TRAPPC9: variants seen among roughly 807,000 people sequenced by gnomAD.
The protein encoded by TRAPPC9 is trafficking protein particle complex subunit 9, also known as IKK2 binding protein.
In TRAPPC9, 83 loss-of-function variants were observed where a neutral mutation model predicts 124.0. The ratio of observed to expected loss-of-function variants is 0.67; its 90% CI spans 0.56 to 0.80. TRAPPC9 has a LOEUF of 0.80. Among genes scored for constraint, TRAPPC9 ranks in the 30% least tolerant of loss-of-function variants. TRAPPC9 has a pLI of 0.00. For missense variants in TRAPPC9, 1,302 were observed against 1,508.3 expected (o/e 0.86, Z 2.27); for synonymous variants, 638 against 617.5 (o/e 1.03, Z -0.49).
chr8:140,338,979 C>G (rs1054800283), intron 9 of TRAPPC9, among the ~76,000 whole-genome samples: 1 of 135,458 alleles, frequency 7.4e-6, no homozygotes, highest in Admixed American at 7.3e-5. Flanking sequence ...ACCTACAGGC[C>G]GACGGGAAAC....
chr8:139,993,118 T>C (rs1052291838), intron 18 of TRAPPC9, among the ~76,000 whole-genome samples: 1 of 152,206 alleles, frequency 6.6e-6, no homozygotes, highest in Non-Finnish European at 1.5e-5. Flanking sequence ...AAAGACAAGC[T>C]TCATTTTTAA....
chr8:140,313,722 T>C (rs1276630127), intron 9 of TRAPPC9, among the ~76,000 whole-genome samples: 1 of 152,096 alleles, frequency 6.6e-6, no homozygotes, highest in Non-Finnish European at 1.5e-5. Flanking sequence ...AATCTTCTGC[T>C]GGGGTGGAAA....
At position 139,974,975 on chromosome 8, in the gene TRAPPC9, C is replaced by T. The variant is rs565452735; in HGVS notation, c.2810+13751G>A. Reference sequence around the variant, plus strand: ...TCAGCAGACCTAGATCAGCCGCACCCGATTCAAAGGGCTCCCCCAGCACTG... The same window carrying T: ...TCAGCAGACCTAGATCAGCCGCACCTGATTCAAAGGGCTCCCCCAGCACTG... On this transcript the variant is annotated intron_variant, in intron 19 of 22. Coordinates refer to ENST00000438773, the MANE Select transcript of TRAPPC9 (RefSeq NM_001160372.4). Among the ~76,000 whole-genome samples the T allele has an allele frequency of 2.4e-4, 37 of 152,232 alleles. 1 individual carries two copies. In the South Asian group the frequency reaches 7.3e-3, roughly 30 times the overall value.
At chr8:139,936,963 C>T (rs1193427358) in intron 19 of TRAPPC9, among the ~76,000 whole-genome samples, 15 of 46,428 alleles carry the variant, frequency 3.2e-4, no homozygotes, top group Admixed American at 2.4e-3. Context: ...AGAGAGTGGG[C>T]GAGTGGGCAC....
chr8:140,451,110 C>T lies in TRAPPC9; in HGVS notation c.264G>A (p.Ser88=), dbSNP rs554862576. The change falls in exon 2 of 23, where the codon TCG becomes TCA. Residue 88 remains serine (S), a synonymous_variant. Coordinates refer to ENST00000438773, the MANE Select transcript of TRAPPC9 (RefSeq NM_001160372.4). The part of the protein sequence containing the change: ...VGLITITDCF[S]AKDWPQTFEK... ...CAAAGGTCTGTGGCCAGTCCTTGGC[C>T]GAGAAGCAGTCTGTGATGGTGATGA... 8 of 1,613,962 alleles carry T rather than the reference C, an allele frequency of 5.0e-6. No individual in the cohort carries two copies. The African/African-American group carries it at 6.7e-5, about 13-fold the overall frequency.
intron 17 of TRAPPC9, among the ~76,000 whole-genome samples, chr8:140,119,733 A>C (rs1232060820): frequency 6.6e-6 from 1 of 152,224 alleles, no homozygotes. Context: ...AGGGAATTTA[A>C]CCAGGTCTTT....
intron 11 of TRAPPC9, among the ~76,000 whole-genome samples, chr8:140,297,258 T>C (rs1277008955): frequency 6.6e-6 from 1 of 152,104 alleles, no homozygotes; most frequent in African/African-American, 2.4e-5. Context: ...AAGATTGGGG[T>C]GTCTTTCAGA....
chr8:140,183,315 C>T (rs956034611), intron 17 of TRAPPC9, among the ~76,000 whole-genome samples: 3 of 152,202 alleles, frequency 2.0e-5, no homozygotes, highest in African/African-American at 7.2e-5. Flanking sequence ...CTGAGCTCTA[C>T]AACCCCAGCT....
At chr8:139,947,432 A>C (rs1386868948) in intron 19 of TRAPPC9, among the ~76,000 whole-genome samples, 1 of 152,226 alleles carries the variant, frequency 6.6e-6, no homozygotes, top group Non-Finnish European at 1.5e-5. Flanking sequence ...ACCAGGACAA[A>C]GTATGAAGAA....
At chr8:140,451,947 C>T (rs1346987096) in intron 1 of TRAPPC9, among the ~76,000 whole-genome samples, 1 of 152,046 alleles carries the variant, frequency 6.6e-6, no homozygotes, top group Non-Finnish European at 1.5e-5. Flanking sequence ...ATGGTGAAAC[C>T]CCACCTATAC....
intron 17 of TRAPPC9, among the ~76,000 whole-genome samples, chr8:140,048,218 C>T (rs1841747175): frequency 6.6e-6 from 1 of 152,210 alleles, no homozygotes. Context: ...ACCACTGTGG[C>T]TTCACAAGGC....
At chr8:140,191,552 C>T (rs1030710981) in intron 17 of TRAPPC9, among the ~76,000 whole-genome samples, 1 of 152,126 alleles carries the variant, frequency 6.6e-6, no homozygotes, top group African/African-American at 2.4e-5. Context: ...TGCTCCCACT[C>T]TCGCCATGTG....
At chr8:139,834,434 G>GCACAAA (rs1826192274) in intron 21 of TRAPPC9, among the ~76,000 whole-genome samples, 1 of 152,228 alleles carries the variant, frequency 6.6e-6, no homozygotes, top group South Asian at 2.1e-4. Context: ...CACGTGACAT[G>GCACAAA]CACAACTGAG....
At chr8:139,793,488 C>T (rs755782416) in intron 21 of TRAPPC9, among the ~76,000 whole-genome samples, 11 of 152,230 alleles carry the variant, frequency 7.2e-5, no homozygotes, top group Non-Finnish European at 1.6e-4. Flanking sequence ...TGCCGCCTGG[C>T]CCCTGGGAGC....
At chr8:140,225,647 C>A (rs1238247492) in intron 16 of TRAPPC9, among the ~76,000 whole-genome samples, 1 of 152,182 alleles carries the variant, frequency 6.6e-6, no homozygotes, top group Admixed American at 6.5e-5. Flanking sequence ...ACCCCAGGAA[C>A]CAGGTCAAGC....
At chr8:140,434,135 G>A (rs999486279) in intron 4 of TRAPPC9, among the ~76,000 whole-genome samples, 1 of 152,198 alleles carries the variant, frequency 6.6e-6, no homozygotes, top group African/African-American at 2.4e-5. Flanking sequence ...CTTCTAGTGG[G>A]TATTTAGACC....
chr8:139,989,400 G>A (rs1011500149), intron 18 of TRAPPC9, among the ~76,000 whole-genome samples: 5 of 152,182 alleles, frequency 3.3e-5, no homozygotes, highest in South Asian at 2.1e-4. Context: ...ATCACCCTCC[G>A]AAGCCTCTAC....
chr8:140,391,475 G>A (rs2068920809), intron 7 of TRAPPC9, among the ~76,000 whole-genome samples: 1 of 152,178 alleles, frequency 6.6e-6, no homozygotes, highest in African/African-American at 2.4e-5. Flanking sequence ...CACTTTGGAA[G>A]GCCAAGGCAG....
intron 10 of TRAPPC9, among the ~76,000 whole-genome samples, chr8:140,303,105 G>T (rs1045877713): frequency 2.6e-5 from 4 of 152,148 alleles, no homozygotes; most frequent in Non-Finnish European, 5.9e-5. Context: ...TAAATGCCTA[G>T]AATCCTTCCT....
Sources: gnomAD v4.1 joint callset for allele counts (sites outside exome capture counted in the v4.1 genomes callset) on GRCh38, gnomAD v4.1.1 for gene constraint, MANE v1.5 for transcripts, NCBI Gene and HGNC (gene_info 2026-07-23, HGNC 2026-07-21) for gene names.